The following LRRD1 variants were observed in gnomAD, a reference collection of about 807,000 sequenced individuals.
LRRD1 encodes the protein leucine rich repeats and death domain containing 1.
Under a neutral mutation model 69.5 loss-of-function variants are expected in LRRD1, and 49 were observed. That is an observed-to-expected ratio of 0.70 (90% CI 0.56 to 0.89). The LOEUF is 0.89. Among genes scored for constraint, LRRD1 ranks in the 40% least tolerant of loss-of-function variants. The pLI is 0.00. For synonymous variants in LRRD1, 303 were observed against 338.9 expected (o/e 0.89, Z 1.16); for missense variants, 853 against 956.0 (o/e 0.89, Z 1.42).
intron 1 of LRRD1, among the ~76,000 whole-genome samples, chr7:92,167,928 A>G (rs533277102): frequency 2.0e-5 from 3 of 147,316 alleles, no homozygotes; most frequent in African/African-American, 7.6e-5. Flanking sequence ...CTGCTCTAAG[A>G]TTCTGTTAAA....
At chr7:92,150,982 CTG>C (rs1411838436) in intron 3 of LRRD1, among the ~76,000 whole-genome samples, 1 of 152,208 alleles carries the variant, frequency 6.6e-6, no homozygotes, top group Non-Finnish European at 1.5e-5. Flanking sequence ...TTAAACTAAA[CTG>C]TTTATTTAGC....
rs1382436681 is a variant in LRRD1, at chr7:92,165,157, T to G, written c.46A>C (p.Ser16Arg). 3.2e-6 allele frequency: 5 copies of G among 1,548,592 alleles called. No individual in the cohort carries two copies. The highest frequency in any genetic ancestry group is 4.4e-6 in the Non-Finnish European group (5 of 1,145,858). Residue 16 changes from serine (S) to arginine (R), a missense_variant, in exon 2 of 6, where the codon AGT becomes CGT. Ser to Arg is a moderately radical substitution (Grantham distance 110, BLOSUM62 -1). Coordinates refer to ENST00000458448, the MANE Select transcript of LRRD1 (RefSeq NM_001161528.2). ...GMSEVLEDTI[S>R]QFRKESRSQS... is the part of the protein sequence containing the mutation. The stretch of plus-strand genomic sequence containing the variant: ...GATCTAGATTCTTTCCTAAATTGAC[T>G]AATAGTATCCTCTAGCACTTCTGAC...
intron 1 of LRRD1, among the ~76,000 whole-genome samples, chr7:92,168,286 C>A (rs1788966687): frequency 6.6e-6 from 1 of 152,138 alleles, no homozygotes; most frequent in African/African-American, 2.4e-5. Flanking sequence ...TCCCTGCCAA[C>A]TTGGATTCCC....
At chr7:92,158,187 T>C (rs1788708345) in intron 3 of LRRD1, among the ~76,000 whole-genome samples, 1 of 151,956 alleles carries the variant, frequency 6.6e-6, no homozygotes, top group Non-Finnish European at 1.5e-5. Flanking sequence ...CTTCCAAGAT[T>C]AGGCATTTAA....
intron 3 of LRRD1, among the ~76,000 whole-genome samples, chr7:92,151,599 A>G (rs1820468200): frequency 6.6e-6 from 1 of 152,206 alleles, no homozygotes; most frequent in South Asian, 2.1e-4. Flanking sequence ...GGGAGTGGGA[A>G]TTAAACTCTA....
At chr7:92,152,153 G>GTGTGTGTGTGTA (rs1237720051) in intron 3 of LRRD1, among the ~76,000 whole-genome samples, 1 of 149,490 alleles carries the variant, frequency 6.7e-6, no homozygotes, top group Non-Finnish European at 1.5e-5. Flanking sequence ...GTGTGTGTGT[G>GTGTGTGTGTGTA]TGTGTGTGTG....
At position 92,165,061 on chromosome 7, in the gene LRRD1, C is replaced by A; in HGVS notation, c.142G>T (p.Glu48Ter). 6.4e-7 allele frequency: 1 copy of A among 1,551,570 alleles called. No homozygotes were observed. Among genetic ancestry groups the A allele is most frequent in the Non-Finnish European group, 8.7e-7 (1 of 1,146,934 alleles). The change falls in exon 2 of 6, where the codon GAA becomes TAA. Residue 48 changes from glutamate (E) to a stop codon, truncating the protein, a stop_gained. Transcript: ENST00000458448. LOFTEE classifies it high-confidence loss of function. ...TAAATCTGGTTAGAAGATTTCCCTT[C>A]CAGGTAATCAGAAGCTTCGTTTATC... ...NLINEASDYL[E>*]GKSSNQIYET...
downstream of LRRD1, chr7:92,142,611 T>A: frequency 2.3e-6 from 1 of 437,452 alleles, no homozygotes; most frequent in Non-Finnish European, 4.6e-6. Flanking sequence ...ACGGTCAGTG[T>A]TACAGCTCTT....
At chr7:92,152,946 G>C (rs547060312) in intron 3 of LRRD1, among the ~76,000 whole-genome samples, 1 of 152,324 alleles carries the variant, frequency 6.6e-6, no homozygotes, top group Non-Finnish European at 1.5e-5. Context: ...GGGATTACAG[G>C]CGTGAGCCAC....
chr7:92,145,102 A>AAT, intron 5 of LRRD1, 28 bp from the exon 6 acceptor site: 2 of 1,123,136 alleles, frequency 1.8e-6, no homozygotes, highest in African/African-American at 1.6e-5. Flanking sequence ...TAATATTAAT[A>AAT]GTTAAATATT....
Sources: allele counts gnomAD v4.1 joint callset (sites outside exome capture counted in the v4.1 genomes callset), GRCh38; gene constraint gnomAD v4.1.1; transcripts MANE v1.5; gene names NCBI Gene and HGNC (gene_info 2026-07-23, HGNC 2026-07-21).